The following OSCP1 variants were observed in gnomAD, a reference collection of about 807,000 sequenced individuals.
OSCP1 encodes organic solute carrier partner 1.
Under a neutral mutation model 45.1 loss-of-function variants are expected in OSCP1, and 35 were observed. The observed-to-expected ratio is 0.78, with a 90% CI of 0.59 to 1.03. The LOEUF (loss-of-function observed/expected upper bound fraction) is 1.03, where lower values mean the gene tolerates loss of function less well. Among genes scored for constraint, OSCP1 ranks in the 50% least tolerant of loss-of-function variants. The pLI is 0.00. For synonymous variants in OSCP1, 179 were observed against 180.1 expected (o/e 0.99, Z 0.05); for missense variants, 400 against 470.7 (o/e 0.85, Z 1.39).
At chr1:36,418,762 C>CA (rs34581789) in intron 9 of OSCP1, among the ~76,000 whole-genome samples, 1,983 of 136,656 alleles carry the variant, frequency 0.015, 45 homozygotes, top group African/African-American at 0.046. Flanking sequence ...ACTAAAAATA[C>CA]AAAAAAAAAA....
intron 4 of OSCP1, among the ~76,000 whole-genome samples, chr1:36,425,172 CAAAA>C (rs60875318): frequency 1.4e-4 from 17 of 118,458 alleles, no homozygotes; most frequent in South Asian, 2.7e-4. Flanking sequence ...GACTCTGTCT[CAAAA>C]AAAAAAAAAA....
intron 1 of OSCP1, among the ~76,000 whole-genome samples, chr1:36,449,835 C>CA (rs67376533): frequency 0.023 from 466 of 20,336 alleles, 91 homozygotes; most frequent in East Asian, 0.15. Flanking sequence ...GACCCTGTCT[C>CA]AAAAAAAAAA....
chr1:36,423,095 G>A (rs1053523185), intron 5 of OSCP1, among the ~76,000 whole-genome samples, 199 bp from the exon 6 acceptor site: 3 of 152,068 alleles, frequency 2.0e-5, no homozygotes, highest in Non-Finnish European at 4.4e-5. Flanking sequence ...TTGTAAGCAC[G>A]TTAGAGCACT....
intron 9 of OSCP1, 165 bp from the exon 10 acceptor site, chr1:36,418,420 A>C (rs1004211768): frequency 3.2e-6 from 2 of 631,264 alleles, no homozygotes; most frequent in African/African-American, 3.7e-5. Flanking sequence ...AGAGAAGAAG[A>C]GGGTCTATAT....
At chr1:36,428,469 ACT>A (rs777922802) in intron 4 of OSCP1, 4 of 1,613,308 alleles carry the variant, frequency 2.5e-6, no homozygotes, top group Non-Finnish European at 2.5e-6. Context: ...TTCCAGAAGC[ACT>A]CTCTCTGTAT....
At chr1:36,420,158 T>TTTTTTTTTTTTG (rs1647526456) in intron 8 of OSCP1, among the ~76,000 whole-genome samples, 1 of 151,062 alleles carries the variant, frequency 6.6e-6, no homozygotes, top group African/African-American at 2.4e-5. Context: ...TTTTTTTTTT[T>TTTTTTTTTTTTG]GTAGAGACGG....
At chr1:36,433,918 C>A (rs1435994074) in intron 2 of OSCP1, among the ~76,000 whole-genome samples, 1 of 151,986 alleles carries the variant, frequency 6.6e-6, no homozygotes, top group Non-Finnish European at 1.5e-5. Flanking sequence ...AGACTTAAGG[C>A]CTGGAAAAAA....
Position 36,447,293 on chromosome 1 carries a change from A to G in OSCP1, c.112+2965T>C, listed in dbSNP as rs904303341. ...CCTGTTTTCTCACTCTATCTTCTAC[A>G]GATCTCCAACAGCCAACTATTTTGT... is the stretch of plus-strand genomic sequence containing the variant. On this transcript the variant is annotated intron_variant, in intron 1 of 9. Coordinates refer to ENST00000235532, the MANE Select transcript of OSCP1 (RefSeq NM_145047.5). This position sits in a 1 kb window ranked among gnomAD's most constrained non-coding sequence, Gnocchi z 4.1. 1.3e-5 allele frequency among the ~76,000 whole-genome samples: 2 copies of G among 152,196 alleles called. No homozygotes were observed. The highest frequency in any genetic ancestry group is 2.9e-5 in the Non-Finnish European group (2 of 68,040).
At chr1:36,428,479 T>A (rs759217495) in intron 4 of OSCP1, 6 of 1,611,198 alleles carry the variant, frequency 3.7e-6, no homozygotes, top group Admixed American at 1.7e-5. Flanking sequence ...ACTCTCTCTG[T>A]ATATGCACAA....
chr1:36,430,185 G>A (rs1426583383), intron 4 of OSCP1, among the ~76,000 whole-genome samples: 1 of 151,786 alleles, frequency 6.6e-6, no homozygotes, highest in African/African-American at 2.4e-5. Flanking sequence ...TGGGAATACA[G>A]ACACGCACCA....
intron 1 of OSCP1, among the ~76,000 whole-genome samples, chr1:36,446,952 C>CA (rs1417984748): frequency 6.6e-6 from 1 of 152,184 alleles, no homozygotes; most frequent in Non-Finnish European, 1.5e-5. Flanking sequence ...ATAGAGAGAG[C>CA]ACTTCCTTTC....
rs568073395 is a variant in OSCP1 at position 36,447,489 on chromosome 1, C to G, written c.112+2769G>C. On this transcript the variant is annotated intron_variant, in intron 1 of 9. Coordinates refer to ENST00000235532, the MANE Select transcript of OSCP1 (RefSeq NM_145047.5). The surrounding 1 kb of genome is among the most constrained non-coding windows in gnomAD (Gnocchi z 4.1). Reference sequence around the variant, plus strand: ...AGTGGTTATAGTAAGGGGACATTGGCTGAGTATGAGGACATTGGTTATATG... The same window carrying G: ...AGTGGTTATAGTAAGGGGACATTGGGTGAGTATGAGGACATTGGTTATATG... Among the ~76,000 whole-genome samples, 18 of 152,200 alleles carry G rather than the reference C, an allele frequency of 1.2e-4. No homozygotes were observed. The highest frequency in any genetic ancestry group is 4.3e-4 in the African/African-American group (18 of 41,522).
chr1:36,445,879 A>G (rs1015150301), intron 1 of OSCP1, among the ~76,000 whole-genome samples: 7 of 149,756 alleles, frequency 4.7e-5, no homozygotes, highest in African/African-American at 1.2e-4. Flanking sequence ...CATGCCGGCT[A>G]ATTTTTTATT....
chr1:36,432,640 G>A (rs377133248), intron 2 of OSCP1, 51 bp from the exon 3 acceptor site: 6 of 1,606,788 alleles, frequency 3.7e-6, no homozygotes, highest in African/African-American at 1.3e-5. Context: ...AAAATCAGGT[G>A]TGAGAATCTC....
In OSCP1 at chr1:36,438,756, CTT is replaced by C; in HGVS notation, c.265_266del (p.Lys89AlafsTer3). 1 of 1,602,692 alleles carries C rather than the reference CTT, an allele frequency of 6.2e-7. No homozygotes were observed. Among genetic ancestry groups the C allele is most frequent in the Non-Finnish European group, 8.5e-7 (1 of 1,175,340 alleles). On this transcript the variant is annotated frameshift_variant and splice_region_variant, in exon 2 of 10. Transcript: ENST00000235532. LOFTEE classifies it high-confidence loss of function. ...IMKLNQASMD[K>X]LYDLMTMAFK... The stretch of plus-strand genomic sequence containing the variant: ...ATGACAAAGGCAGCTGTCTGCTCAC[CTT>C]ATCCATGCTGGCCTGGTTCAGTTTC...
rs772957430 is a variant in OSCP1, at chr1:36,431,882, T to C, written c.436A>G (p.Ile146Val). The C allele has an allele frequency of 3.7e-6, 6 of 1,612,528 alleles. No homozygotes were observed. Among genetic ancestry groups the C allele is most frequent in the South Asian group, 2.2e-5 (2 of 91,058 alleles). ...TCCCCTGCAGAGAGACCACCATATA[T>C]CTGCCAAAGGCAAGCAGAAAGCAGC... Reference protein sequence around the residue: ...VDETLRQLTEIYGGLSAGEFQ... With the variant: ...VDETLRQLTEVYGGLSAGEFQ... The change falls in exon 4 of 10, where the codon ATA (isoleucine) becomes GTA (valine). Residue 146 changes from isoleucine to valine, a missense_variant and splice_region_variant. Physicochemically the swap from Ile to Val is conservative, Grantham distance 29. Coordinates refer to ENST00000235532, the MANE Select transcript of OSCP1 (RefSeq NM_145047.5).
chr1:36,449,835 CAAAAAAAAAAAA>C (rs67376533), intron 1 of OSCP1, among the ~76,000 whole-genome samples: 10 of 20,338 alleles, frequency 4.9e-4, no homozygotes, highest in Admixed American at 1.0e-3. Flanking sequence ...GACCCTGTCT[CAAAAAAAAAAAA>C]AAAAAAAAAA....
chr1:36,424,074 A>G (rs1647822335), intron 4 of OSCP1, among the ~76,000 whole-genome samples: 1 of 151,964 alleles, frequency 6.6e-6, no homozygotes, highest in African/African-American at 2.4e-5. Context: ...GCCCCCAAGT[A>G]GCTGGGACCA....
Position 36,443,996 on chromosome 1 carries a change from T to G in OSCP1, c.113-5086A>C, listed in dbSNP as rs749900240. The stretch of plus-strand genomic sequence containing the variant: ...ACACTGAACACATGCAGCCCGGAGA[T>G]AGCATACCTCGTTTTCTGTCCACCT... On this transcript the variant is annotated intron_variant, in intron 1 of 9. Transcript: ENST00000235532. 4.3e-6 allele frequency: 7 copies of G among 1,613,074 alleles called. No homozygotes were observed. The African/African-American group carries it at 8.0e-5, about 18-fold the overall frequency.
Sources: gnomAD v4.1 joint callset for allele counts (sites outside exome capture counted in the v4.1 genomes callset) on GRCh38, gnomAD v4.1.1 for gene constraint, Gnocchi (gnomAD v3.1) non-coding constraint, MANE v1.5 for transcripts, NCBI Gene and HGNC (gene_info 2026-07-23, HGNC 2026-07-21) for gene names.